Variants in OR10J1 observed in about 807,000 individuals in gnomAD.
OR10J1 encodes the protein olfactory receptor 10J1.
For synonymous variants in OR10J1, 202 were observed against 143.8 expected (o/e 1.40, Z -2.89); for missense variants, 474 against 376.6 (o/e 1.26, Z -2.14).
the OR10J1 span, among the ~76,000 whole-genome samples, chr1:159,422,618 C>A: frequency 6.6e-6 from 1 of 152,226 alleles, no homozygotes; most frequent in South Asian, 2.1e-4. Context: ...TAGGGCAGGA[C>A]AGAGACTGGT....
At chr1:159,431,920 G>T in the OR10J1 span, among the ~76,000 whole-genome samples, 1 of 152,082 alleles carries the variant, frequency 6.6e-6, no homozygotes, top group Admixed American at 6.6e-5. Context: ...GGTTTATCAG[G>T]ATGTAGCCTC....
upstream of OR10J1, among the ~76,000 whole-genome samples, chr1:159,437,060 C>T (rs1026016925): frequency 6.6e-6 from 1 of 152,006 alleles, no homozygotes; most frequent in Non-Finnish European, 1.5e-5. Context: ...ACATGAAAGA[C>T]TAAGAAATTT....
chr1:159,414,338 A>T, the OR10J1 span, among the ~76,000 whole-genome samples: 1 of 152,022 alleles, frequency 6.6e-6, no homozygotes, highest in Non-Finnish European at 1.5e-5. Flanking sequence ...ATGAGAGAGG[A>T]CATGTAAAAT....
chr1:159,430,178 G>GA, the OR10J1 span, among the ~76,000 whole-genome samples: 8 of 151,714 alleles, frequency 5.3e-5, no homozygotes, highest in Non-Finnish European at 1.2e-4. Flanking sequence ...CATAAATAGT[G>GA]AAAAAAATCA....
chr1:159,405,525 G>T, the OR10J1 span: 1 of 308,148 alleles, frequency 3.2e-6, no homozygotes. Context: ...AGTTCAGCAG[G>T]GGAGTGATAA....
the OR10J1 span, among the ~76,000 whole-genome samples, chr1:159,428,206 A>G: frequency 1.3e-5 from 2 of 152,198 alleles, no homozygotes; most frequent in Non-Finnish European, 2.9e-5. Flanking sequence ...TAAATGAGAG[A>G]GATAAAAATC....
chr1:159,416,687 T>G, the OR10J1 span, among the ~76,000 whole-genome samples: 1 of 152,050 alleles, frequency 6.6e-6, no homozygotes, highest in Non-Finnish European at 1.5e-5. Flanking sequence ...TTGGTGGTAT[T>G]TTTCAGTGAA....
the OR10J1 span, among the ~76,000 whole-genome samples, chr1:159,417,876 A>G: frequency 3.3e-5 from 5 of 152,340 alleles, no homozygotes; most frequent in African/African-American, 1.2e-4. Context: ...AATGAAATCC[A>G]GGCTGTGGTG....
chr1:159,411,120 T>C, the OR10J1 span, among the ~76,000 whole-genome samples: 5 of 151,648 alleles, frequency 3.3e-5, no homozygotes, highest in South Asian at 6.2e-4. Context: ...TACTTCCAAC[T>C]ATGTGGTCAA....
the OR10J1 span, among the ~76,000 whole-genome samples, chr1:159,426,160 C>A: frequency 4.0e-5 from 6 of 151,380 alleles, no homozygotes; most frequent in Non-Finnish European, 8.9e-5. Flanking sequence ...TTAGGAAAAC[C>A]TAGTAAATAA....
chr1:159,432,608 C>A, the OR10J1 span: 1 of 467,006 alleles, frequency 2.1e-6, no homozygotes. Context: ...AGTATTCAGT[C>A]ATCATGGGCA....
the OR10J1 span, among the ~76,000 whole-genome samples, chr1:159,419,938 C>T: frequency 6.6e-6 from 1 of 152,126 alleles, no homozygotes; most frequent in African/African-American, 2.4e-5. Context: ...AAGTCTCCAA[C>T]TACTATTGTA....
the OR10J1 span, among the ~76,000 whole-genome samples, chr1:159,397,921 G>T: frequency 2.6e-5 from 4 of 152,280 alleles, no homozygotes; most frequent in South Asian, 8.3e-4. Context: ...CAGTAGCCAG[G>T]GACTGGCTAC....
At chr1:159,428,329 C>G in the OR10J1 span, among the ~76,000 whole-genome samples, 4 of 152,050 alleles carry the variant, frequency 2.6e-5, no homozygotes, top group African/African-American at 7.2e-5. Flanking sequence ...AGCCTTTTCT[C>G]CCTAAACCCA....
chr1:159,416,714 AT>A, the OR10J1 span, among the ~76,000 whole-genome samples: 1 of 151,720 alleles, frequency 6.6e-6, no homozygotes, highest in Non-Finnish European at 1.5e-5. Context: ...CAATTCTGGG[AT>A]TTTCTTTGTT....
the OR10J1 span, among the ~76,000 whole-genome samples, chr1:159,408,843 G>C: frequency 3.3e-5 from 5 of 152,018 alleles, no homozygotes; most frequent in Non-Finnish European, 7.4e-5. Context: ...CATGATTAGA[G>C]AAGATTATTA....
At chr1:159,406,845 C>T in the OR10J1 span, among the ~76,000 whole-genome samples, 2 of 152,100 alleles carry the variant, frequency 1.3e-5, no homozygotes, top group Non-Finnish European at 2.9e-5. Context: ...GCAAAGACTG[C>T]CCTGGGAGGA....
At chr1:159,423,214 T>C in the OR10J1 span, among the ~76,000 whole-genome samples, 3 of 152,200 alleles carry the variant, frequency 2.0e-5, no homozygotes, top group Non-Finnish European at 2.9e-5. Context: ...GTGATGACAA[T>C]GCTTCTACAC....
At chr1:159,435,876 C>T (rs553728795), upstream of OR10J1, among the ~76,000 whole-genome samples, 14 of 152,270 alleles carry the variant, frequency 9.2e-5, no homozygotes, top group Admixed American at 6.5e-4. Context: ...TATAGTCACT[C>T]CACATGTGTT....
Sources: gnomAD v4.1 joint callset for allele counts (sites outside exome capture counted in the v4.1 genomes callset) on GRCh38, gnomAD v4.1.1 for gene constraint, MANE v1.5 for transcripts, NCBI Gene and HGNC (gene_info 2026-07-23, HGNC 2026-07-21) for gene names.